CPEB4: variants seen among roughly 807,000 people sequenced by gnomAD.
CPEB4 encodes cytoplasmic polyadenylation element binding protein 4, also known as cytoplasmic polyadenylation element-binding protein 4.
In CPEB4, 12 loss-of-function variants were observed where a neutral mutation model predicts 72.5. The observed-to-expected ratio is 0.17, with a 90% CI of 0.11 to 0.27. The LOEUF (loss-of-function observed/expected upper bound fraction) is 0.27, where lower values mean the gene tolerates loss of function less well. CPEB4 is among the 10% of genes least tolerant of loss of function. The pLI is 1.00. For synonymous variants in CPEB4, 302 were observed against 326.3 expected (o/e 0.93, Z 0.80); for missense variants, 614 against 908.5 (o/e 0.68, Z 4.17).
chr5:173,955,881 A>T lies in CPEB4; in HGVS notation c.1963-29A>T, dbSNP rs776493042. ...TAAGCATTGCTGGCCTAGTCACTGA[A>T]AAATGTAAACTCTTATTTTTGATTG... On this transcript the variant is annotated intron_variant, in intron 9 of 9. Coordinates refer to ENST00000265085, the MANE Select transcript of CPEB4 (RefSeq NM_030627.4). The surrounding 1 kb of genome is among the most constrained non-coding windows in gnomAD (Gnocchi z 4.7). The T allele has an allele frequency of 6.3e-7, 1 of 1,580,986 alleles. No individual in the cohort carries two copies. Among genetic ancestry groups the T allele is most frequent in the East Asian group, 2.2e-5 (1 of 44,540 alleles).
intron 2 of CPEB4, among the ~76,000 whole-genome samples, chr5:173,917,730 G>T (rs1440594584): frequency 6.6e-6 from 1 of 152,056 alleles, no homozygotes; most frequent in African/African-American, 2.4e-5. Flanking sequence ...CCATCTCAAA[G>T]AAATAAAAAA....
At chr5:173,910,873 CTTA>C in intron 2 of CPEB4, 1 of 336,390 alleles carries the variant, frequency 3.0e-6, no homozygotes. Flanking sequence ...AACTACATAC[CTTA>C]TTATTATTTT....
At chr5:173,915,822 C>A (rs1235361599) in intron 2 of CPEB4, among the ~76,000 whole-genome samples, 1 of 152,184 alleles carries the variant, frequency 6.6e-6, no homozygotes, top group Non-Finnish European at 1.5e-5. Flanking sequence ...AAACCACATG[C>A]GAGTACATCT....
At chr5:173,949,674 C>T in intron 6 of CPEB4, 77 bp downstream of exon 6, 1 of 993,820 alleles carries the variant, frequency 1.0e-6, no homozygotes, top group Non-Finnish European at 1.5e-6. Context: ...TAAATGTTCA[C>T]CTTCACTGTA....
intron 5 of CPEB4, 79 bp from the exon 6 acceptor site, chr5:173,949,429 T>C: frequency 9.7e-7 from 1 of 1,029,454 alleles, no homozygotes; most frequent in Admixed American, 2.1e-5. Context: ...AAATAGTAGA[T>C]TTGAAACTTA....
intron 1 of CPEB4, among the ~76,000 whole-genome samples, chr5:173,896,076 A>G (rs193125911): frequency 6.4e-4 from 97 of 152,340 alleles, no homozygotes; most frequent in Admixed American, 3.7e-3. Context: ...CTAGGTTTGA[A>G]TTTGACAGTT....
intron 1 of CPEB4, among the ~76,000 whole-genome samples, chr5:173,908,689 A>G (rs1756533345): frequency 6.6e-6 from 1 of 152,212 alleles, no homozygotes; most frequent in South Asian, 2.1e-4. Flanking sequence ...AATAAAAAAT[A>G]AAAATGCTCT....
chr5:173,925,047 C>G lies in CPEB4; in HGVS notation c.1208-7403C>G, dbSNP rs930271060. ...AGGCCTAGCAGGGGAACTGCTGGGACAAAAGTGTGGAGGCTTGAGTGGTAA... is the reference window on the plus strand; with the variant it reads ...AGGCCTAGCAGGGGAACTGCTGGGAGAAAAGTGTGGAGGCTTGAGTGGTAA... On this transcript the variant is annotated intron_variant, in intron 2 of 9. Transcript: ENST00000265085. Among the ~76,000 whole-genome samples, 6 of 151,932 alleles carry G rather than the reference C, an allele frequency of 3.9e-5. No homozygotes were observed. The South Asian group carries it at 1.2e-3, about 32-fold the overall frequency.
At chr5:173,931,798 A>G (rs1000739976) in intron 2 of CPEB4, among the ~76,000 whole-genome samples, 1 of 152,138 alleles carries the variant, frequency 6.6e-6, no homozygotes, top group Admixed American at 6.5e-5. Flanking sequence ...AGTTCATCCA[A>G]CAAAAATTTT....
intron 3 of CPEB4, among the ~76,000 whole-genome samples, chr5:173,933,999 A>G (rs776180097): frequency 1.3e-5 from 2 of 152,228 alleles, no homozygotes; most frequent in East Asian, 1.9e-4. Context: ...CCTCGGCAAC[A>G]TGGCCAAACC....
chr5:173,930,779 G>A (rs1379109322), intron 2 of CPEB4, among the ~76,000 whole-genome samples: 1 of 152,004 alleles, frequency 6.6e-6, no homozygotes, highest in Non-Finnish European at 1.5e-5. Flanking sequence ...ACAAGGTCAG[G>A]AGATTGAGAC....
rs780718488 is a variant in CPEB4 at position 173,944,974 on chromosome 5, T to C, written c.1290T>C (p.Ser430=). The change falls in exon 5 of 10, where the codon TCT becomes TCC. Residue 430 remains serine, a synonymous_variant. Coordinates refer to ENST00000265085, the MANE Select transcript of CPEB4 (RefSeq NM_030627.4). ...CCCTGCTTTCTATTCCAGGTCAGTC[T>C]TCACTGTTTCCAATGGAAGATGGAT... ...ARTYGRRRGQ[S]SLFPMEDGFL... The C allele has an allele frequency of 3.5e-5, 57 of 1,612,294 alleles. No homozygotes were observed. The East Asian group carries it at 1.2e-3, about 35-fold the overall frequency.
At chr5:173,918,441 C>T (rs1447042018) in intron 2 of CPEB4, among the ~76,000 whole-genome samples, 2 of 152,170 alleles carry the variant, frequency 1.3e-5, no homozygotes, top group Non-Finnish European at 2.9e-5. Context: ...TTGAGCAGTG[C>T]GATTACCCCC....
At chr5:173,899,874 T>A (rs1433292012) in intron 1 of CPEB4, among the ~76,000 whole-genome samples, 1 of 152,198 alleles carries the variant, frequency 6.6e-6, no homozygotes, top group Non-Finnish European at 1.5e-5. Flanking sequence ...TGCTTAGCTA[T>A]GGCAAACGTG....
chr5:173,914,929 TTC>T (rs1290463970), intron 2 of CPEB4, among the ~76,000 whole-genome samples: 33 of 152,238 alleles, frequency 2.2e-4, no homozygotes, highest in Non-Finnish European at 1.5e-5. Flanking sequence ...TCATTTATTT[TTC>T]TCTTTCATTT....
At chr5:173,896,035 T>C (rs543575193) in intron 1 of CPEB4, among the ~76,000 whole-genome samples, 11 of 152,208 alleles carry the variant, frequency 7.2e-5, no homozygotes, top group Admixed American at 2.0e-4. Flanking sequence ...AAGAAAGAAA[T>C]GGGGAACCTA....
chr5:173,936,772 G>A (rs977737617), intron 3 of CPEB4, among the ~76,000 whole-genome samples: 44 of 151,002 alleles, frequency 2.9e-4, no homozygotes, highest in Non-Finnish European at 5.9e-4. Context: ...TTTTACCTAA[G>A]AAACCACCAC....
chr5:173,951,027 C>T (rs1758199281), intron 7 of CPEB4, among the ~76,000 whole-genome samples: 1 of 152,184 alleles, frequency 6.6e-6, no homozygotes, highest in African/African-American at 2.4e-5. Context: ...ATCTGTGGAG[C>T]TTCTCCTGAA....
chr5:173,955,587 T>A lies in CPEB4; in HGVS notation c.1963-323T>A, dbSNP rs1375297761. On this transcript the variant is annotated intron_variant, in intron 9 of 9. Coordinates refer to ENST00000265085, the MANE Select transcript of CPEB4 (RefSeq NM_030627.4). This position sits in a 1 kb window ranked among gnomAD's most constrained non-coding sequence, Gnocchi z 4.7. ...AGATCCACTAATTAAAATGAGGGTTTATGTCTATGAATAATCTCCTGTGGG... is the reference window on the plus strand; with the variant it reads ...AGATCCACTAATTAAAATGAGGGTTAATGTCTATGAATAATCTCCTGTGGG... 6.6e-6 allele frequency among the ~76,000 whole-genome samples: 1 copy of A among 152,346 alleles called. No homozygotes were observed. The highest frequency in any genetic ancestry group is 2.4e-5 in the African/African-American group (1 of 41,586).
Sources: allele counts gnomAD v4.1 joint callset (sites outside exome capture counted in the v4.1 genomes callset), GRCh38; gene constraint gnomAD v4.1.1; non-coding constraint Gnocchi (gnomAD v3.1); transcripts MANE v1.5; gene names NCBI Gene and HGNC (gene_info 2026-07-23, HGNC 2026-07-21).